SLC17A7: variants seen among roughly 807,000 people sequenced by gnomAD.
SLC17A7 encodes the protein vesicular glutamate transporter 1.
In SLC17A7, 15 loss-of-function variants were observed where a neutral mutation model predicts 59.1. The ratio of observed to expected loss-of-function variants is 0.25; its 90% CI spans 0.17 to 0.39. The LOEUF (loss-of-function observed/expected upper bound fraction) is 0.39, where lower values mean the gene tolerates loss of function less well. SLC17A7 is among the 10% of genes least tolerant of loss of function. The pLI is 1.00. For synonymous variants in SLC17A7, 353 were observed against 308.9 expected (o/e 1.14, Z -1.50); for missense variants, 499 against 765.1 (o/e 0.65, Z 4.10).
Position 49,436,408 on chromosome 19 carries a change from A to G in SLC17A7, c.315+141T>C. 1 of 1,154,526 alleles carries G rather than the reference A, an allele frequency of 8.7e-7. No individual in the cohort carries two copies. Among genetic ancestry groups the G allele is most frequent in the South Asian group, 1.5e-5 (1 of 68,068 alleles). The allele number at this position is 1,154,526 out of a possible 1,614,324, so 71.5% of individuals were successfully genotyped here. On this transcript the variant is annotated intron_variant, in intron 2 of 11. Coordinates refer to ENST00000221485, the MANE Select transcript of SLC17A7 (RefSeq NM_020309.4). The surrounding 1 kb of genome is among the most constrained non-coding windows in gnomAD (Gnocchi z 4.1). ...AGGCGAGGTCAGAACTAAGGGGCGC[A>G]CGGATTGGGCGGAGCTATTCCGACA...
At chr19:49,439,872 G>A (rs776625678) in intron 1 of SLC17A7, among the ~76,000 whole-genome samples, 15 of 151,678 alleles carry the variant, frequency 9.9e-5, no homozygotes, top group Non-Finnish European at 1.3e-4. Context: ...CTGAGGGAGG[G>A]GCCTGAGGAA....
rs2078968478 is a variant in SLC17A7 at position 49,433,440 on chromosome 19, T to A, written c.867+286A>T. ...AATGCTCCCAAAATACAGCCTCAACTCAAGGTCTAAGCAAAACCCCCACAT... is the reference window on the plus strand; with the variant it reads ...AATGCTCCCAAAATACAGCCTCAACACAAGGTCTAAGCAAAACCCCCACAT... On this transcript the variant is annotated intron_variant, in intron 7 of 11. Coordinates refer to ENST00000221485, the MANE Select transcript of SLC17A7 (RefSeq NM_020309.4). This position sits in a 1 kb window ranked among gnomAD's most constrained non-coding sequence, Gnocchi z 5.7. The A allele has an allele frequency of 3.8e-6, 2 of 531,300 alleles. No homozygotes were observed. Among genetic ancestry groups the A allele is most frequent in the Non-Finnish European group, 3.4e-6 (1 of 290,534 alleles). The allele number at this position is 531,300 out of a possible 1,614,324, so 32.9% of individuals were successfully genotyped here. A position where few individuals can be genotyped will look rare whatever the true frequency, so the allele number is the denominator to read the frequency against.
rs1461964103 is a variant in SLC17A7 at position 49,430,404 on chromosome 19, G to T, written c.*115C>A. 2 of 718,468 alleles carry T rather than the reference G, an allele frequency of 2.8e-6. No homozygotes were observed. Among genetic ancestry groups the T allele is most frequent in the Middle Eastern group, 4.1e-4 (1 of 2,446 alleles). The allele number at this position is 718,468 out of a possible 1,614,324, so 44.5% of individuals were successfully genotyped here. ...GACAGCACTGGGAACAAGGGAGAGT[G>T]CTTCTTAGGCCTGAGGCAGGACAGA... On this transcript the variant is annotated 3_prime_UTR_variant, in exon 12 of 12. Coordinates refer to ENST00000221485, the MANE Select transcript of SLC17A7 (RefSeq NM_020309.4).
intron 11 of SLC17A7, 53 bp from the exon 12 acceptor site, chr19:49,430,865 G>A (rs943157578): frequency 1.3e-6 from 2 of 1,563,246 alleles, no homozygotes; most frequent in South Asian, 1.2e-5. Flanking sequence ...AAACAGAGGC[G>A]GAGAGAGGGG....
In SLC17A7 at chr19:49,435,195, A is replaced by T; in HGVS notation, c.407T>A (p.Phe136Tyr). The T allele has an allele frequency of 3.1e-6, 5 of 1,614,110 alleles. No individual in the cohort carries two copies. The highest frequency in any genetic ancestry group is 4.2e-6 in the Non-Finnish European group (5 of 1,179,998). The part of the protein sequence containing the change: ...GYIVTQIPGG[F>Y]ICQKFAANRV... ...GTTGGCTGCAAATTTTTGACAGATAAATCCTCCTGGAATCTGAGTGACAAT... is the reference window on the plus strand; with the variant it reads ...GTTGGCTGCAAATTTTTGACAGATATATCCTCCTGGAATCTGAGTGACAAT... Residue 136 changes from phenylalanine (F) to tyrosine (Y), a missense_variant, in exon 3 of 12, where the codon TTT becomes TAT. Phe to Tyr is a conservative substitution (Grantham distance 22). Transcript: ENST00000221485.
chr19:49,434,834 G>A lies in SLC17A7; in HGVS notation c.483C>T (p.Ile161=), dbSNP rs139563560. Reference sequence around the variant, plus strand: ...CATAGTGGACGCGGGCAGCTGAGGGGATCAGCATGTTTAGAGTGGATGTTG... The same window carrying A: ...CATAGTGGACGCGGGCAGCTGAGGGAATCAGCATGTTTAGAGTGGATGTTG... ...IVATSTLNML[I]PSAARVHYGC... The change falls in exon 4 of 12, where the codon ATC becomes ATT. Residue 161 remains isoleucine (I), a synonymous_variant. Coordinates refer to ENST00000221485, the MANE Select transcript of SLC17A7 (RefSeq NM_020309.4). 5.6e-5 allele frequency: 91 copies of A among 1,614,052 alleles called. No homozygotes were observed. Among genetic ancestry groups the A allele is most frequent in the Non-Finnish European group, 7.3e-5 (86 of 1,180,018 alleles).
intron 3 of SLC17A7, 74 bp from the exon 4 acceptor site, chr19:49,434,956 C>A: frequency 6.9e-7 from 1 of 1,449,572 alleles, no homozygotes; most frequent in Non-Finnish European, 9.7e-7. Flanking sequence ...CCGCCCACAG[C>A]AAGCTAGGCC....
At chr19:49,439,538 A>T (rs974368011) in intron 1 of SLC17A7, among the ~76,000 whole-genome samples, 2 of 152,044 alleles carry the variant, frequency 1.3e-5, no homozygotes, top group African/African-American at 2.4e-5. Flanking sequence ...TGGGAGGGAG[A>T]CTGACCTGGG....
intron 8 of SLC17A7, 46 bp from the exon 9 acceptor site, chr19:49,432,697 C>A (rs772572486): frequency 3.1e-6 from 5 of 1,604,728 alleles, no homozygotes; most frequent in Admixed American, 1.7e-5. Flanking sequence ...GGGCCGCCGG[C>A]TCGGCGTCTC....
chr19:49,430,673 A>G lies in SLC17A7; in HGVS notation c.1529T>C (p.Phe510Ser). ...GCCAGCCAGCTGGTCATGGCCAACG[A>G]AGCCACACTTCTCCTCGCTCATCTC... ...PEEMSEEKCG[F>S]VGHDQLAGSD... The change falls in exon 12 of 12, where the codon TTC becomes TCC. Residue 510 changes from phenylalanine to serine, a missense_variant. Coordinates refer to ENST00000221485, the MANE Select transcript of SLC17A7 (RefSeq NM_020309.4). 6.2e-7 allele frequency: 1 copy of G among 1,614,132 alleles called. No individual in the cohort carries two copies. Among genetic ancestry groups the G allele is most frequent in the Non-Finnish European group, 8.5e-7 (1 of 1,180,006 alleles).
chr19:49,433,575 T>G lies in SLC17A7; in HGVS notation c.867+151A>C, dbSNP rs763918165. 4 of 1,124,350 alleles carry G rather than the reference T, an allele frequency of 3.6e-6. No homozygotes were observed. The highest frequency in any genetic ancestry group is 1.3e-5 in the South Asian group (1 of 75,614). The allele number at this position is 1,124,350 out of a possible 1,614,324, so 69.6% of individuals were successfully genotyped here. The stretch of plus-strand genomic sequence containing the variant: ...ACCTGAGAATCTCGTCCTCCGCGGG[T>G]TGCAACCCGCCTCCTAGGTTCTAGC... On this transcript the variant is annotated intron_variant, in intron 7 of 11. Coordinates refer to ENST00000221485, the MANE Select transcript of SLC17A7 (RefSeq NM_020309.4). The surrounding 1 kb of genome is among the most constrained non-coding windows in gnomAD (Gnocchi z 5.7).
intron 1 of SLC17A7, among the ~76,000 whole-genome samples, chr19:49,440,644 G>T (rs1462152865): frequency 6.6e-6 from 1 of 152,200 alleles, no homozygotes. Flanking sequence ...AAGGACAACG[G>T]GCTATGAGCC....
intron 1 of SLC17A7, chr19:49,437,167 A>C: frequency 3.0e-6 from 1 of 333,994 alleles, no homozygotes. Flanking sequence ...CCTCTCCCGG[A>C]TAAGAGTCTA....
Position 49,431,467 on chromosome 19 carries a change from C to G in SLC17A7, c.1151-19G>C, listed in dbSNP as rs753340405. On this transcript the variant is annotated intron_variant, in intron 9 of 11. Transcript: ENST00000221485. This position sits in a 1 kb window ranked among gnomAD's most constrained non-coding sequence, Gnocchi z 4.6. ...CCGAAGCCTACGGGGGCGGGGGGGG[C>G]CCGCGTCTCCTGAGTGTCGGCCGGA... is the stretch of plus-strand genomic sequence containing the variant. 80 of 1,601,956 alleles carry G rather than the reference C, an allele frequency of 5.0e-5. No homozygotes were observed. The highest frequency in any genetic ancestry group is 6.4e-5 in the Non-Finnish European group (75 of 1,170,780).
At chr19:49,437,699 G>A (rs1439377924) in intron 1 of SLC17A7, 1 of 151,984 alleles carries the variant, frequency 6.6e-6, no homozygotes, top group Non-Finnish European at 1.5e-5. Context: ...GAGAGGGAGA[G>A]AGAATAACAA....
chr19:49,436,513 G>A lies in SLC17A7; in HGVS notation c.315+36C>T. On this transcript the variant is annotated intron_variant, in intron 2 of 11. Coordinates refer to ENST00000221485, the MANE Select transcript of SLC17A7 (RefSeq NM_020309.4). This position sits in a 1 kb window ranked among gnomAD's most constrained non-coding sequence, Gnocchi z 4.1. ...GGGCGTAGGCGGAGCTCGGTGAGCG[G>A]GGCGGGGCTCTGCAAGGGCTCAGGC... 9.4e-6 allele frequency: 15 copies of A among 1,600,380 alleles called. No homozygotes were observed. Among genetic ancestry groups the A allele is most frequent in the Non-Finnish European group, 1.3e-5 (15 of 1,174,746 alleles).
chr19:49,433,893 G>C lies in SLC17A7; in HGVS notation c.725-25C>G, dbSNP rs1185016514. The C allele has an allele frequency of 1.2e-6, 2 of 1,612,050 alleles. No homozygotes were observed. The highest frequency in any genetic ancestry group is 1.7e-6 in the Non-Finnish European group (2 of 1,178,832). The stretch of plus-strand genomic sequence containing the variant: ...CCTGGGGGGGTCAGGAGGGGGATGG[G>C]AGCGAGGTGAGGACCGGCCCCGCTC... On this transcript the variant is annotated intron_variant, in intron 6 of 11. Coordinates refer to ENST00000221485, the MANE Select transcript of SLC17A7 (RefSeq NM_020309.4). This position sits in a 1 kb window ranked among gnomAD's most constrained non-coding sequence, Gnocchi z 5.7.
rs765856194 is a variant in SLC17A7, at chr19:49,431,315, A to G, written c.1261+23T>C. On this transcript the variant is annotated intron_variant, in intron 10 of 11. Transcript: ENST00000221485. The surrounding 1 kb of genome is among the most constrained non-coding windows in gnomAD (Gnocchi z 4.6). The stretch of plus-strand genomic sequence containing the variant: ...CTACAGAGCTGACCAGAGTCCCCCA[A>G]GCTGCGGATCCGCGGTTCTCACCAG... The G allele has an allele frequency of 3.1e-6, 5 of 1,611,746 alleles. No homozygotes were observed. The highest frequency in any genetic ancestry group is 1.7e-5 in the Admixed American group (1 of 59,852).
intron 1 of SLC17A7, among the ~76,000 whole-genome samples, chr19:49,440,097 C>A (rs1167532011): frequency 6.6e-6 from 1 of 152,190 alleles, no homozygotes; most frequent in Non-Finnish European, 1.5e-5. Flanking sequence ...CATCCTCCTG[C>A]CCACCTCCCC....
Sources: allele counts gnomAD v4.1 joint callset (sites outside exome capture counted in the v4.1 genomes callset), GRCh38; gene constraint gnomAD v4.1.1; non-coding constraint Gnocchi (gnomAD v3.1); transcripts MANE v1.5; gene names NCBI Gene and HGNC (gene_info 2026-07-23, HGNC 2026-07-21).